Variants in RARB observed in about 807,000 individuals in gnomAD.
RARB encodes retinoic acid receptor beta.
In RARB, 17 loss-of-function variants were observed where a neutral mutation model predicts 51.9. The ratio of observed to expected loss-of-function variants is 0.33; its 90% confidence interval spans 0.22 to 0.49. The LOEUF (loss-of-function observed/expected upper bound fraction) is 0.49. Among genes scored for constraint, RARB ranks in the 20% least tolerant of loss-of-function variants. The pLI is 0.99. For missense variants in RARB, 369 were observed against 550.8 expected (o/e 0.67, Z 3.30); for synonymous variants, 215 against 195.4 (o/e 1.10, Z -0.84).
intron 2 of RARB, among the ~76,000 whole-genome samples, chr3:24,890,732 C>A (rs902037133): frequency 1.1e-4 from 17 of 152,134 alleles, no homozygotes; most frequent in African/African-American, 3.9e-4. Flanking sequence ...CTTATACAAA[C>A]CCTTGAATAT....
At chr3:25,246,924 T>C (rs912835279) in intron 5 of RARB, among the ~76,000 whole-genome samples, 1 of 152,166 alleles carries the variant, frequency 6.6e-6, no homozygotes, top group Non-Finnish European at 1.5e-5. Context: ...CACCCACAGC[T>C]GCCCCTTCCC....
chr3:25,187,759 TTAA>T (rs1388112275), intron 5 of RARB, among the ~76,000 whole-genome samples: 8 of 151,962 alleles, frequency 5.3e-5, no homozygotes, highest in African/African-American at 1.9e-4. Flanking sequence ...AGAAAGAAAA[TTAA>T]TATCTCTTTT....
intron 4 of RARB, among the ~76,000 whole-genome samples, chr3:25,166,889 A>T (rs1700569431): frequency 6.6e-6 from 1 of 152,238 alleles, no homozygotes; most frequent in East Asian, 1.9e-4. Context: ...CTACATTTGC[A>T]GATGTGTGTC....
chr3:24,831,543 T>C (rs537131481), intron 1 of RARB, among the ~76,000 whole-genome samples: 1 of 152,310 alleles, frequency 6.6e-6, no homozygotes, highest in East Asian at 1.9e-4. Flanking sequence ...ATTATCTGTC[T>C]TTATAATTCT....
intron 5 of RARB, among the ~76,000 whole-genome samples, chr3:25,314,071 A>G (rs1272328384): frequency 1.3e-5 from 2 of 152,068 alleles, no homozygotes; most frequent in African/African-American, 4.8e-5. Context: ...ACTCTGTCTC[A>G]ACAACAAAAA....
At chr3:25,109,866 C>T (rs1243052060) in intron 3 of RARB, among the ~76,000 whole-genome samples, 1 of 152,208 alleles carries the variant, frequency 6.6e-6, no homozygotes, top group African/African-American at 2.4e-5. Flanking sequence ...ACCAGGTGGA[C>T]TCCTTCAGAG....
intron 5 of RARB, among the ~76,000 whole-genome samples, chr3:25,384,872 G>C (rs1410314053): frequency 6.6e-6 from 1 of 152,176 alleles, no homozygotes; most frequent in East Asian, 1.9e-4. Flanking sequence ...GAAATAAACT[G>C]TTTACCCAAT....
intron 2 of RARB, among the ~76,000 whole-genome samples, chr3:25,027,502 C>G (rs970653509): frequency 3.9e-5 from 6 of 152,018 alleles, no homozygotes; most frequent in Non-Finnish European, 7.4e-5. Flanking sequence ...ATTGCCAAGC[C>G]CTCTTCATTT....
intron 1 of RARB, among the ~76,000 whole-genome samples, chr3:25,453,231 G>A (rs2125544394): frequency 6.7e-6 from 1 of 149,874 alleles, no homozygotes; most frequent in Non-Finnish European, 1.5e-5. Context: ...CTGGGGTGGG[G>A]CCAAGATTCT....
chr3:25,445,357 C>G (rs143473289), intron 1 of RARB, among the ~76,000 whole-genome samples: 1,711 of 152,266 alleles, frequency 0.011, 33 homozygotes, highest in African/African-American at 0.039. Context: ...ACAGTTATTT[C>G]ATACTTCTTC....
rs116036489 is a variant in RARB, at chr3:25,109,400, T to A, written c.-327-22761T>A. On this transcript the variant is annotated intron_variant, in intron 3 of 11. Coordinates refer to the RARB transcript ENST00000383772. Reference sequence around the variant, plus strand: ...GGAACAAGCAGGGGCATTTTGGTACTATGATCTGGGGGGATCAAATCAAAT... The same window carrying A: ...GGAACAAGCAGGGGCATTTTGGTACAATGATCTGGGGGGATCAAATCAAAT... 5.8e-3 allele frequency among the ~76,000 whole-genome samples: 882 copies of A among 152,256 alleles called. 6 individuals carry two copies. Among genetic ancestry groups the A allele is most frequent in the Admixed American group, 9.3e-3 (142 of 15,290 alleles).
rs151252565 is a variant in RARB at position 25,166,189 on chromosome 3, C to T, written c.-279-7930C>T. 2.1e-3 allele frequency among the ~76,000 whole-genome samples: 316 copies of T among 152,098 alleles called. 2 individuals carry two copies. Among genetic ancestry groups the T allele is most frequent in the African/African-American group, 7.2e-3 (297 of 41,480 alleles). On this transcript the variant is annotated intron_variant, in intron 4 of 11. Transcript: ENST00000383772. ...TGGCCAAATTCAAGTTTTTCCATTA[C>T]GGCTTCTCTTTAAGTTGAGAGTAAT...
At position 25,077,037 on chromosome 3, in the gene RARB, A is replaced by G. The variant is rs76618575; in HGVS notation, c.-328+16861A>G. ...AAAAGGAGCAACTTCTGTTGAAGTT[A>G]TTTTCTGTAGGCATCTAAAGTAGGG... On this transcript the variant is annotated intron_variant, in intron 3 of 11. Transcript: ENST00000383772. 4.4e-3 allele frequency among the ~76,000 whole-genome samples: 667 copies of G among 152,278 alleles called. 11 individuals are homozygous for G. Among genetic ancestry groups the G allele is most frequent in the South Asian group, 0.036 (174 of 4,826 alleles).
intron 3 of RARB, among the ~76,000 whole-genome samples, chr3:25,524,609 CCT>C (rs1217830012): frequency 2.7e-5 from 4 of 150,328 alleles, no homozygotes; most frequent in Non-Finnish European, 3.0e-5. Flanking sequence ...TCTCTTCCCC[CCT>C]CCCTTCCTCC....
At chr3:25,030,169 C>T (rs1314178521) in intron 2 of RARB, among the ~76,000 whole-genome samples, 4 of 152,130 alleles carry the variant, frequency 2.6e-5, no homozygotes, top group Admixed American at 2.0e-4. Flanking sequence ...TTACCTTCTG[C>T]CTGAGCCTGT....
At chr3:25,464,138 T>C (rs1695319963) in intron 2 of RARB, among the ~76,000 whole-genome samples, 1 of 152,174 alleles carries the variant, frequency 6.6e-6, no homozygotes, top group South Asian at 2.1e-4. Context: ...TTCTGAAAAA[T>C]GTTAAGTCAT....
At chr3:25,079,812 A>C (rs1698955340) in intron 3 of RARB, among the ~76,000 whole-genome samples, 1 of 152,114 alleles carries the variant, frequency 6.6e-6, no homozygotes, top group Non-Finnish European at 1.5e-5. Flanking sequence ...TATATTCATG[A>C]GGGATGTTAG....
intron 4 of RARB, among the ~76,000 whole-genome samples, chr3:25,163,107 T>G (rs1295301258): frequency 6.6e-6 from 1 of 152,206 alleles, no homozygotes; most frequent in Admixed American, 6.5e-5. Context: ...GAGAAAACCC[T>G]AATAGTGGGC....
intron 2 of RARB, among the ~76,000 whole-genome samples, chr3:24,889,727 C>A (rs1448784256): frequency 7.6e-6 from 1 of 131,044 alleles, no homozygotes; most frequent in African/African-American, 2.8e-5. Context: ...AAGGTATCTG[C>A]AGTAAGGGCA....
Sources: gnomAD v4.1 joint callset for allele counts (sites outside exome capture counted in the v4.1 genomes callset) on GRCh38, gnomAD v4.1.1 for gene constraint, MANE v1.5 for transcripts, NCBI Gene and HGNC (gene_info 2026-07-23, HGNC 2026-07-21) for gene names.